Variants in AFF3 observed in about 807,000 individuals in gnomAD.
AFF3 encodes the protein ALF transcription elongation factor 3, also known as AF4/FMR2 family member 3.
In AFF3, 32 loss-of-function variants were observed where a neutral mutation model predicts 129.7. The ratio of observed to expected loss-of-function variants is 0.25; its 90% CI spans 0.19 to 0.33. The LOEUF (loss-of-function observed/expected upper bound fraction) is 0.33, where lower values mean the gene tolerates loss of function less well. Among genes scored for constraint, AFF3 ranks in the 10% least tolerant of loss-of-function variants. The pLI is 1.00. For missense variants in AFF3, 1,373 were observed against 1,592.0 expected (o/e 0.86, Z 2.34); for synonymous variants, 644 against 635.4 (o/e 1.01, Z -0.20).
chr2:99,563,660 A>G (rs915190440), intron 20 of AFF3, among the ~76,000 whole-genome samples: 27 of 151,494 alleles, frequency 1.8e-4, no homozygotes, highest in Admixed American at 1.2e-3. Context: ...AAAATACAAA[A>G]TTAGCTGGAT....
At chr2:99,981,457 T>C (rs1167010259) in intron 7 of AFF3, among the ~76,000 whole-genome samples, 1 of 152,236 alleles carries the variant, frequency 6.6e-6, no homozygotes, top group Non-Finnish European at 1.5e-5. Context: ...CTTCATAAAG[T>C]TAACAACTAT....
At chr2:99,647,715 G>A (rs1684816976) in intron 13 of AFF3, among the ~76,000 whole-genome samples, 2 of 152,206 alleles carry the variant, frequency 1.3e-5, no homozygotes, top group African/African-American at 4.8e-5. Context: ...CAACTGCACT[G>A]CTAGAATAGC....
At chr2:99,947,617 TAG>T (rs898103319) in intron 7 of AFF3, among the ~76,000 whole-genome samples, 2 of 133,558 alleles carry the variant, frequency 1.5e-5, no homozygotes, top group African/African-American at 6.1e-5. Context: ...GATAGATAGA[TAG>T]ATAGATAGAT....
chr2:100,090,251 T>C (rs1314200925), intron 4 of AFF3, among the ~76,000 whole-genome samples: 48 of 148,440 alleles, frequency 3.2e-4, no homozygotes, highest in South Asian at 6.7e-4. Flanking sequence ...ATGACTTTCA[T>C]GAAGTGGTTT....
At chr2:99,746,278 C>T (rs568342654) in intron 9 of AFF3, among the ~76,000 whole-genome samples, 16 of 150,970 alleles carry the variant, frequency 1.1e-4, no homozygotes, top group African/African-American at 3.6e-4. Context: ...ACTTCTATTA[C>T]GTGGCTTAAT....
At chr2:99,720,176 G>T (rs1314605409) in intron 11 of AFF3, among the ~76,000 whole-genome samples, 1 of 152,146 alleles carries the variant, frequency 6.6e-6, no homozygotes, top group Non-Finnish European at 1.5e-5. Flanking sequence ...GTTTGGATAT[G>T]GTTTGTCTGT....
At chr2:99,585,768 G>A (rs866554798) in intron 16 of AFF3, among the ~76,000 whole-genome samples, 13 of 151,316 alleles carry the variant, frequency 8.6e-5, no homozygotes, top group Admixed American at 2.6e-4. Flanking sequence ...CCTCTCTGTC[G>A]CCCAGGCTGG....
intron 7 of AFF3, among the ~76,000 whole-genome samples, chr2:99,953,791 G>A (rs1676380702): frequency 6.6e-6 from 1 of 152,244 alleles, no homozygotes; most frequent in African/African-American, 2.4e-5. Context: ...CAGTGGGCTG[G>A]ACACATGAGG....
intron 13 of AFF3, among the ~76,000 whole-genome samples, chr2:99,648,913 A>ACT (rs1558695739): frequency 4.6e-4 from 16 of 34,652 alleles, no homozygotes; most frequent in African/African-American, 1.1e-3. Context: ...ACACACACAC[A>ACT]CACACTCTCT....
At chr2:99,700,320 C>T (rs1437012873) in intron 11 of AFF3, among the ~76,000 whole-genome samples, 1 of 152,188 alleles carries the variant, frequency 6.6e-6, no homozygotes, top group Admixed American at 6.5e-5. Flanking sequence ...AGGGTTTCAC[C>T]ATCTTGGCCA....
chr2:99,705,083 C>T lies in AFF3; in HGVS notation c.1091+21994G>A, dbSNP rs934975510. Among the ~76,000 whole-genome samples, 7 of 152,138 alleles carry T rather than the reference C, an allele frequency of 4.6e-5. 1 individual carries two copies. In the South Asian group the frequency reaches 1.2e-3, roughly 27 times the overall value. Reference sequence around the variant, plus strand: ...GGATGGCAGCAAAGAATAGACGGTTCGAAGAAGGCCTTGTCAATGGGGTTC... The same window carrying T: ...GGATGGCAGCAAAGAATAGACGGTTTGAAGAAGGCCTTGTCAATGGGGTTC... On this transcript the variant is annotated intron_variant, in intron 11 of 24. Transcript: ENST00000672756.
At chr2:100,018,041 T>C (rs1048166826) in intron 4 of AFF3, among the ~76,000 whole-genome samples, 1 of 151,870 alleles carries the variant, frequency 6.6e-6, no homozygotes, top group Admixed American at 6.6e-5. Flanking sequence ...TGTATATATA[T>C]ATATAGGCTA....
chr2:99,706,811 G>C (rs1677442607), intron 11 of AFF3, among the ~76,000 whole-genome samples: 1 of 152,104 alleles, frequency 6.6e-6, no homozygotes, highest in Non-Finnish European at 1.5e-5. Flanking sequence ...TTGGCTTTGA[G>C]GGAAGCTGTA....
chr2:100,013,980 G>A (rs1400595584), intron 4 of AFF3, among the ~76,000 whole-genome samples: 2 of 152,154 alleles, frequency 1.3e-5, no homozygotes, highest in South Asian at 2.1e-4. Flanking sequence ...CTACTGGTGA[G>A]AAAGGTGCTG....
chr2:99,730,223 T>C (rs894454261), intron 10 of AFF3, among the ~76,000 whole-genome samples: 5 of 152,074 alleles, frequency 3.3e-5, no homozygotes, highest in African/African-American at 1.2e-4. Flanking sequence ...AGACGAAATA[T>C]ACAGTTTGAG....
rs200905671 is a variant in AFF3, at chr2:100,006,730, C to A, written c.775G>T (p.Val259Leu). 6.2e-7 allele frequency: 1 copy of A among 1,614,200 alleles called. No homozygotes were observed. Among genetic ancestry groups the A allele is most frequent in the South Asian group, 1.1e-5 (1 of 91,086 alleles). ...PKLKSSSETS[V>L]HCTSYRGVPA... ...ACTCCCCTGTATGATGTGCAGTGCA[C>A]GCTGGTTTCCGAAGACGACTTCAGC... The change falls in exon 7 of 25, where the codon GTG becomes TTG. Residue 259 changes from valine (V) to leucine (L), a missense_variant. This residue lies in a region of AFF3 where 413 missense variants were observed against 424.4 expected (regional missense o/e 0.97). Transcript: ENST00000672756.
intron 4 of AFF3, among the ~76,000 whole-genome samples, chr2:100,062,004 C>T (rs1228516864): frequency 1.3e-5 from 2 of 152,196 alleles, no homozygotes; most frequent in African/African-American, 2.4e-5. Flanking sequence ...GCTAAAATTG[C>T]ACTGGGAAGG....
At chr2:100,114,531 G>GCCA in intron 2 of AFF3, among the ~76,000 whole-genome samples, 1 of 152,300 alleles carries the variant, frequency 6.6e-6, no homozygotes, top group Non-Finnish European at 1.5e-5. Flanking sequence ...ACAGGGGCCT[G>GCCA]CCACCACGCC....
chr2:99,948,863 T>C (rs2106376416), intron 7 of AFF3, among the ~76,000 whole-genome samples: 1 of 152,284 alleles, frequency 6.6e-6, no homozygotes, highest in Non-Finnish European at 1.5e-5. Context: ...TACAGCAATA[T>C]GAATACTGGG....
Sources: gnomAD v4.1 joint callset for allele counts (sites outside exome capture counted in the v4.1 genomes callset) on GRCh38, gnomAD v4.1.1 for gene constraint, gnomAD v4.1.1 regional missense constraint, MANE v1.5 for transcripts, NCBI Gene and HGNC (gene_info 2026-07-23, HGNC 2026-07-21) for gene names.